The following COL22A1 variants were observed in gnomAD, a reference collection of about 807,000 sequenced individuals.
COL22A1 encodes collagen type XXII alpha 1 chain.
A neutral mutation model predicts 248.9 loss-of-function variants in COL22A1; 221 were observed. The ratio of observed to expected loss-of-function variants is 0.89; its 90% CI spans 0.80 to 0.99. The LOEUF is 0.99. COL22A1 is among the 50% of genes least tolerant of loss of function. The pLI, the probability that COL22A1 is intolerant of heterozygous loss-of-function variation, is 0.00. For synonymous variants in COL22A1, 891 were observed against 793.4 expected, an observed-to-expected ratio of 1.12 and a Z score of -2.07; for missense variants, 2,240 against 2,179.0, an observed-to-expected ratio of 1.03 and a Z score of -0.56.
intron 4 of COL22A1, 44 bp from the exon 5 acceptor site, chr8:138,833,194 G>T: frequency 7.2e-7 from 1 of 1,381,344 alleles, no homozygotes; most frequent in Non-Finnish European, 1.0e-6. Flanking sequence ...AGAAGGAAGA[G>T]TATAAGAGAC....
chr8:138,781,743 A>G (rs1240897654), intron 12 of COL22A1, among the ~76,000 whole-genome samples: 2 of 152,062 alleles, frequency 1.3e-5, no homozygotes, highest in Non-Finnish European at 1.5e-5. Context: ...CCCAGCTCCA[A>G]CACCACTTGG....
intron 3 of COL22A1, among the ~76,000 whole-genome samples, chr8:138,870,560 G>A (rs184860972): frequency 0.012 from 1,803 of 151,896 alleles, 40 homozygotes; most frequent in African/African-American, 0.042. Flanking sequence ...TATGTGGTGC[G>A]TGTGGTGTGC....
intron 50 of COL22A1, 72 bp from the exon 51 acceptor site, chr8:138,626,315 G>C (rs182320111): frequency 8.2e-7 from 1 of 1,213,344 alleles, no homozygotes; most frequent in African/African-American, 1.5e-5. Context: ...ACTTCACAAG[G>C]AACTGCATTC....
chr8:138,652,035 C>G (rs1433426870), intron 45 of COL22A1, among the ~76,000 whole-genome samples: 1 of 150,546 alleles, frequency 6.6e-6, no homozygotes, highest in Non-Finnish European at 1.5e-5. Context: ...ACTCACTGAC[C>G]CAGTTCTGGA....
At chr8:138,768,369 G>T (rs529427150) in intron 16 of COL22A1, among the ~76,000 whole-genome samples, 2 of 152,074 alleles carry the variant, frequency 1.3e-5, no homozygotes, top group Non-Finnish European at 2.9e-5. Flanking sequence ...CCACAGGATC[G>T]CCTCTTTCTA....
chr8:138,615,236 T>C (rs1476230863), intron 55 of COL22A1, among the ~76,000 whole-genome samples: 1 of 152,176 alleles, frequency 6.6e-6, no homozygotes, highest in Non-Finnish European at 1.5e-5. Flanking sequence ...GGGGTCAAAA[T>C]TTCCCTTGTT....
chr8:138,755,886 T>C (rs2131365186), intron 18 of COL22A1, 57 bp from the exon 19 acceptor site: 1 of 1,446,878 alleles, frequency 6.9e-7, no homozygotes, highest in South Asian at 1.1e-5. Flanking sequence ...TCTGTGGCAG[T>C]CCCATCCCTC....
At chr8:138,706,929 A>C (rs944175394) in intron 30 of COL22A1, among the ~76,000 whole-genome samples, 1 of 152,208 alleles carries the variant, frequency 6.6e-6, no homozygotes, top group Non-Finnish European at 1.5e-5. Context: ...AATCAAATAG[A>C]TGCAATAAAA....
At chr8:138,778,912 G>A (rs1360149335) in intron 14 of COL22A1, among the ~76,000 whole-genome samples, 3 of 152,190 alleles carry the variant, frequency 2.0e-5, no homozygotes, top group Admixed American at 1.3e-4. Context: ...ACCATGAAGT[G>A]CTATTGCCTC....
intron 1 of COL22A1, among the ~76,000 whole-genome samples, chr8:138,894,980 A>G (rs1384164566): frequency 6.6e-6 from 1 of 151,458 alleles, no homozygotes; most frequent in African/African-American, 2.4e-5. Context: ...GATTGCTTGA[A>G]CCCAGGAAAT....
intron 30 of COL22A1, among the ~76,000 whole-genome samples, chr8:138,715,022 G>A (rs747758763): frequency 6.6e-6 from 1 of 152,134 alleles, no homozygotes; most frequent in African/African-American, 2.4e-5. Context: ...GAGATTGAAC[G>A]TAAACAGGCG....
chr8:138,672,431 GA>G (rs5895547), intron 41 of COL22A1, among the ~76,000 whole-genome samples: 61 of 150,798 alleles, frequency 4.0e-4, no homozygotes, highest in African/African-American at 1.3e-3. Context: ...GTGGGGGGAT[GA>G]AAAAAAAACT....
rs148986206 is a variant in COL22A1 at position 138,890,173 on chromosome 8, A to G, written c.-72-6929T>C. ...CCAACTGATGCAGAAAAAGCATTTG[A>G]CAAAACCCAGCACCCTTTCATGATA... On this transcript the variant is annotated intron_variant, in intron 1 of 64. Coordinates refer to ENST00000303045, the MANE Select transcript of COL22A1 (RefSeq NM_152888.3). Among the ~76,000 whole-genome samples the G allele has an allele frequency of 4.3e-3, 662 of 152,296 alleles. 7 individuals carry two copies. The highest frequency in any genetic ancestry group is 0.015 in the African/African-American group (615 of 41,550).
chr8:138,713,886 G>T (rs920073608), intron 30 of COL22A1, among the ~76,000 whole-genome samples: 12 of 152,160 alleles, frequency 7.9e-5, no homozygotes, highest in Admixed American at 1.3e-4. Context: ...TATCCTGGGT[G>T]CTGGCTTGGC....
intron 39 of COL22A1, among the ~76,000 whole-genome samples, chr8:138,680,695 C>A (rs1825891744): frequency 6.6e-6 from 1 of 152,176 alleles, no homozygotes; most frequent in South Asian, 2.1e-4. Context: ...TCCCTAGCTT[C>A]CCCTGCTTCT....
At chr8:138,641,623 C>T (rs191323170) in intron 47 of COL22A1, among the ~76,000 whole-genome samples, 3 of 152,234 alleles carry the variant, frequency 2.0e-5, no homozygotes, top group East Asian at 1.9e-4. Flanking sequence ...TGTAGTTGAC[C>T]GTGTGGCATG....
At chr8:138,752,539 C>T (rs751731850) in intron 21 of COL22A1, among the ~76,000 whole-genome samples, 3 of 152,078 alleles carry the variant, frequency 2.0e-5, no homozygotes, top group Non-Finnish European at 2.9e-5. Context: ...GCTCAGGACA[C>T]ACAGAAAGAG....
chr8:138,607,928 G>A lies in COL22A1; in HGVS notation c.4032+8C>T. The A allele has an allele frequency of 6.2e-7, 1 of 1,613,786 alleles. No homozygotes were observed. ...GATGCCATCACATAGCAGCCAAAGA[G>A]AACTCACAGGGGTTCCTGAAGGGCC... is the stretch of plus-strand genomic sequence containing the variant. On this transcript the variant is annotated splice_region_variant and intron_variant, in intron 57 of 64. Transcript: ENST00000303045.
At chr8:138,806,084 G>C (rs1419667779) in intron 10 of COL22A1, among the ~76,000 whole-genome samples, 4 of 9,708 alleles carry the variant, frequency 4.1e-4, no homozygotes, top group African/African-American at 1.6e-3. Flanking sequence ...GATGGTGTGT[G>C]TAATGGTGTG....
Sources: allele counts gnomAD v4.1 joint callset (sites outside exome capture counted in the v4.1 genomes callset), GRCh38; gene constraint gnomAD v4.1.1; transcripts MANE v1.5; gene names NCBI Gene and HGNC (gene_info 2026-07-23, HGNC 2026-07-21).